TMEM178A: variants seen among roughly 807,000 people sequenced by gnomAD.
TMEM178A encodes the protein transmembrane protein 178A.
A neutral mutation model predicts 29.1 loss-of-function variants in TMEM178A; 12 were observed. The ratio of observed to expected loss-of-function variants is 0.41; its 90% CI spans 0.26 to 0.67. The LOEUF is 0.67. TMEM178A is among the 30% of genes least tolerant of loss of function. TMEM178A has a pLI of 0.29. For synonymous variants in TMEM178A, 210 were observed against 187.2 expected, an observed-to-expected ratio of 1.12 and a Z score of -0.99; for missense variants, 366 against 419.1, an observed-to-expected ratio of 0.87 and a Z score of 1.11.
chr2:39,712,690 A>T (rs1244785395), intron 3 of TMEM178A, among the ~76,000 whole-genome samples: 2 of 151,944 alleles, frequency 1.3e-5, no homozygotes, highest in Non-Finnish European at 2.9e-5. Flanking sequence ...TCTCTGGGGG[A>T]CACTAGCTGG....
chr2:39,718,613 A>T (rs1387585076), downstream of TMEM178A, among the ~76,000 whole-genome samples: 1 of 152,102 alleles, frequency 6.6e-6, no homozygotes, highest in East Asian at 1.9e-4. Context: ...TCCTCTCCAA[A>T]GCTCTATGAG....
chr2:39,728,870 A>G, the TMEM178A span, among the ~76,000 whole-genome samples: 18 of 152,320 alleles, frequency 1.2e-4, 1 homozygote, highest in South Asian at 3.7e-3. Flanking sequence ...CCAAAACATT[A>G]AAAATGATTT....
chr2:39,678,085 A>C (rs1286253048), intron 1 of TMEM178A, among the ~76,000 whole-genome samples: 2 of 152,230 alleles, frequency 1.3e-5, no homozygotes, highest in African/African-American at 4.8e-5. Flanking sequence ...ATCTCCATAG[A>C]TCTTGTTTCC....
chr2:39,733,931 C>T, the TMEM178A span, among the ~76,000 whole-genome samples: 6 of 152,170 alleles, frequency 3.9e-5, no homozygotes, highest in Non-Finnish European at 7.3e-5. Flanking sequence ...AAGGACGTCG[C>T]TCTAGCACTT....
intron 1 of TMEM178A, among the ~76,000 whole-genome samples, chr2:39,676,550 A>G (rs950313685): frequency 3.3e-5 from 5 of 152,158 alleles, no homozygotes; most frequent in African/African-American, 1.2e-4. Flanking sequence ...ATGTCACGTG[A>G]CCATTCTTAA....
chr2:39,721,399 AT>A (rs905970032), downstream of TMEM178A, among the ~76,000 whole-genome samples: 1 of 152,156 alleles, frequency 6.6e-6, no homozygotes, highest in Non-Finnish European at 1.5e-5. Flanking sequence ...AGAAGATAGC[AT>A]TTTTTCTGTT....
intron 1 of TMEM178A, among the ~76,000 whole-genome samples, chr2:39,690,836 T>A (rs931098006): frequency 1.3e-5 from 2 of 152,194 alleles, no homozygotes; most frequent in Non-Finnish European, 2.9e-5. Flanking sequence ...GACAACTAAA[T>A]GAAATCAGGA....
the TMEM178A span, among the ~76,000 whole-genome samples, chr2:39,726,159 A>G: frequency 6.6e-6 from 1 of 152,172 alleles, no homozygotes; most frequent in Non-Finnish European, 1.5e-5. Flanking sequence ...CAGTAATAAA[A>G]CAGGGCTTGT....
chr2:39,682,008 G>A (rs1466919699), intron 1 of TMEM178A, among the ~76,000 whole-genome samples: 1 of 152,202 alleles, frequency 6.6e-6, no homozygotes, highest in Admixed American at 6.5e-5. Context: ...ACATTGGCAA[G>A]TCATTTCAAC....
downstream of TMEM178A, among the ~76,000 whole-genome samples, chr2:39,719,517 A>G (rs955820163): frequency 2.0e-5 from 3 of 152,234 alleles, no homozygotes; most frequent in Non-Finnish European, 2.9e-5. Context: ...TGCCAGGCCA[A>G]GGTTCCTCGC....
chr2:39,706,880 C>T (rs552482128), intron 2 of TMEM178A, among the ~76,000 whole-genome samples, 169 bp from the exon 3 acceptor site: 1 of 152,352 alleles, frequency 6.6e-6, no homozygotes, highest in East Asian at 1.9e-4. Context: ...CATCAGTCCT[C>T]TTATGGAATA....
intron 1 of TMEM178A, among the ~76,000 whole-genome samples, chr2:39,674,923 G>A (rs954935248): frequency 1.3e-5 from 2 of 152,068 alleles, no homozygotes; most frequent in Non-Finnish European, 2.9e-5. Flanking sequence ...AGAGTTGAAA[G>A]GAATTTCAAG....
intron 1 of TMEM178A, among the ~76,000 whole-genome samples, chr2:39,678,417 T>C (rs1196872850): frequency 6.6e-6 from 1 of 152,212 alleles, no homozygotes; most frequent in Non-Finnish European, 1.5e-5. Flanking sequence ...AATGAAATAC[T>C]GACACACGTT....
At position 39,666,274 on chromosome 2, in the gene TMEM178A, C is replaced by G; in HGVS notation, c.300C>G (p.Asp100Glu). ...CGCTCCTGGGGCTCGGCGGGCTGGA[C>G]GCCGAGTGCGGCCGGCCCCTCTTCG... ...WRSLLGLGGLDAECGRPLFAT... is the reference protein window; with the variant it reads ...WRSLLGLGGLEAECGRPLFAT... The change falls in exon 1 of 4, where the codon GAC (aspartate) becomes GAG (glutamate). Residue 100 changes from aspartate to glutamate, a missense_variant. Physicochemically the swap from Asp to Glu is conservative, Grantham distance 45. Transcript: ENST00000281961. The G allele has an allele frequency of 3.6e-6, 5 of 1,393,578 alleles. No homozygotes were observed. The highest frequency in any genetic ancestry group is 1.5e-5 in the African/African-American group (1 of 66,886). 86.3% of individuals were successfully genotyped at this position (1,393,578 alleles called of 1,614,324 possible).
At chr2:39,733,466 T>G in the TMEM178A span, among the ~76,000 whole-genome samples, 2 of 152,194 alleles carry the variant, frequency 1.3e-5, no homozygotes, top group Non-Finnish European at 2.9e-5. Flanking sequence ...ACAGGCTTTT[T>G]CTGGTTCATC....
chr2:39,733,811 T>C, the TMEM178A span, among the ~76,000 whole-genome samples: 8 of 152,202 alleles, frequency 5.3e-5, no homozygotes, highest in Admixed American at 3.9e-4. Context: ...TATCATACTA[T>C]AGCTGAAATG....
chr2:39,671,778 G>A (rs1464339828), intron 1 of TMEM178A, among the ~76,000 whole-genome samples: 1 of 152,154 alleles, frequency 6.6e-6, no homozygotes, highest in Non-Finnish European at 1.5e-5. Context: ...TGCACCCCTG[G>A]CATGTACAGA....
rs1344491266 is a variant in TMEM178A at position 39,701,888 on chromosome 2, A to G, written c.401-2193A>G. Among the ~76,000 whole-genome samples the G allele has an allele frequency of 3.9e-5, 6 of 152,038 alleles. No individual in the cohort carries two copies. The South Asian group carries it at 1.0e-3, about 26-fold the overall frequency. On this transcript the variant is annotated intron_variant, in intron 1 of 3. Coordinates refer to ENST00000281961, the MANE Select transcript of TMEM178A (RefSeq NM_152390.3). ...CTCCAGAATTTCTATTTTTTTCTTT[A>G]CAAGAATATTTCTGTCATGTTGCTA...
chr2:39,698,018 T>C (rs1234184230), intron 1 of TMEM178A: 2 of 152,262 alleles, frequency 1.3e-5, no homozygotes, highest in Non-Finnish European at 2.9e-5. Flanking sequence ...GAGTCAGCCA[T>C]GTCGCCAATC....
Sources: allele counts gnomAD v4.1 joint callset (sites outside exome capture counted in the v4.1 genomes callset), GRCh38; gene constraint gnomAD v4.1.1; transcripts MANE v1.5; gene names NCBI Gene and HGNC (gene_info 2026-07-23, HGNC 2026-07-21).